Variants in IL31RA observed in about 807,000 individuals in gnomAD.
IL31RA encodes the protein interleukin-31 receptor subunit alpha.
IL31RA carries 66 observed loss-of-function variants against 83.7 expected under a neutral mutation model. That is an observed-to-expected ratio of 0.79 (90% CI 0.65 to 0.97). IL31RA has a LOEUF of 0.97. Ranked by LOEUF, IL31RA falls within the 50% of genes least tolerant of loss-of-function variation. The pLI is 0.00. For synonymous variants in IL31RA, 325 were observed against 329.0 expected (o/e 0.99, Z 0.13); for missense variants, 798 against 919.4 (o/e 0.87, Z 1.71).
chr5:55,881,861 C>T (rs1394148918), intron 4 of IL31RA, among the ~76,000 whole-genome samples: 1 of 151,320 alleles, frequency 6.6e-6, no homozygotes, highest in Non-Finnish European at 1.5e-5. Flanking sequence ...TATTGGCGCC[C>T]GCCACCATGC....
intron 13 of IL31RA, among the ~76,000 whole-genome samples, chr5:55,914,222 T>TGG (rs1749659535): frequency 6.6e-6 from 1 of 152,238 alleles, no homozygotes; most frequent in Non-Finnish European, 1.5e-5. Flanking sequence ...GCAGCTGCAC[T>TGG]TAGTTAATGG....
At chr5:55,841,026 T>C in the IL31RA span, among the ~76,000 whole-genome samples, 3 of 152,284 alleles carry the variant, frequency 2.0e-5, no homozygotes, top group Middle Eastern at 3.4e-3. Context: ...GATTAAGATA[T>C]TGAGATCTGA....
chr5:55,868,678 A>G lies in IL31RA; in HGVS notation c.155-113A>G, dbSNP rs577459153. 3 of 791,440 alleles carry G rather than the reference A, an allele frequency of 3.8e-6. No homozygotes were observed. In the East Asian group the frequency reaches 7.3e-5, roughly 19 times the overall value. 49.0% of individuals were successfully genotyped at this position (791,440 alleles called of 1,614,324 possible). ...CTAGGTTACACCTAGCAACTAACCA[A>G]AAAAATCTAGCTTTTGATCAGCATA... On this transcript the variant is annotated intron_variant, in intron 2 of 14. Transcript: ENST00000652347.
chr5:55,898,612 G>T (rs534876626), intron 7 of IL31RA, among the ~76,000 whole-genome samples: 1 of 145,330 alleles, frequency 6.9e-6, no homozygotes, highest in East Asian at 2.0e-4. Context: ...ATTTTAAAAA[G>T]ATTTTAAATA....
At chr5:55,908,147 C>A in intron 10 of IL31RA, 118 bp from the exon 11 acceptor site, 1 of 1,410,706 alleles carries the variant, frequency 7.1e-7, no homozygotes, top group Non-Finnish European at 9.8e-7. Context: ...CCTACTCAAC[C>A]CTCACCCGTC....
intron 6 of IL31RA, among the ~76,000 whole-genome samples, chr5:55,892,794 G>GA (rs201884980): frequency 0.015 from 2,215 of 152,222 alleles, 38 homozygotes; most frequent in Non-Finnish European, 0.021. Context: ...TTTGCTGCCA[G>GA]AAAAAAGATT....
rs1259259440 is a variant in IL31RA at position 55,859,575 on chromosome 5, T to A, written c.130T>A (p.Ser44Thr). ...MWTWALWMLP[S>T]LCKFSLAALP... is the part of the protein sequence containing the mutation. ...GACCTGGGCACTGTGGATGCTCCCC[T>A]CACTCTGCAAATTCAGCCTGGCAGG... The change falls in exon 2 of 15, where the codon TCA becomes ACA. Residue 44 changes from serine to threonine, a missense_variant. Coordinates refer to ENST00000652347, the MANE Select transcript of IL31RA (RefSeq NM_139017.7). 1 of 1,612,216 alleles carries A rather than the reference T, an allele frequency of 6.2e-7. No homozygotes were observed. The highest frequency in any genetic ancestry group is 8.5e-7 in the Non-Finnish European group (1 of 1,178,398).
rs1407705553 is a variant in IL31RA, at chr5:55,917,734, C to A, written c.*614C>A. ...CTGTAGCAACACCGCACCTGAGAAT[C>A]CTCACCCCCAATTTAGACTGCATTG... On this transcript the variant is annotated 3_prime_UTR_variant, in exon 15 of 15. Transcript: ENST00000652347. Among the ~76,000 whole-genome samples, 1 of 152,030 alleles carries A rather than the reference C, an allele frequency of 6.6e-6. No individual in the cohort carries two copies. Among genetic ancestry groups the A allele is most frequent in the Non-Finnish European group, 1.5e-5 (1 of 68,030 alleles).
the IL31RA span, among the ~76,000 whole-genome samples, chr5:55,845,723 G>A: frequency 6.6e-6 from 1 of 152,044 alleles, no homozygotes; most frequent in African/African-American, 2.4e-5. Context: ...AGACCTCCCT[G>A]AGCCATGTGG....
chr5:55,842,770 C>G, the IL31RA span, among the ~76,000 whole-genome samples: 26 of 152,182 alleles, frequency 1.7e-4, no homozygotes, highest in Non-Finnish European at 3.1e-4. Context: ...GTGTCAAGCA[C>G]AGGATCCAAC....
At chr5:55,843,780 G>T in the IL31RA span, among the ~76,000 whole-genome samples, 5 of 152,190 alleles carry the variant, frequency 3.3e-5, no homozygotes, top group African/African-American at 1.2e-4. Context: ...AATTAAGGCA[G>T]CTACTTCAAC....
At chr5:55,888,443 C>T (rs114257887) in intron 5 of IL31RA, among the ~76,000 whole-genome samples, 282 of 152,094 alleles carry the variant, frequency 1.9e-3, no homozygotes, top group African/African-American at 6.6e-3. Context: ...GTGTAATGTA[C>T]GTGATGAGAA....
At position 55,881,034 on chromosome 5, in the gene IL31RA, G is replaced by A. The variant is rs2112427640; in HGVS notation, c.455-2010G>A. Among the ~76,000 whole-genome samples, 2 of 152,300 alleles carry A rather than the reference G, an allele frequency of 1.3e-5. 1 individual carries two copies. The highest frequency in any genetic ancestry group is 4.1e-4 in the South Asian group (2 of 4,822). On this transcript the variant is annotated intron_variant, in intron 4 of 14. Coordinates refer to ENST00000652347, the MANE Select transcript of IL31RA (RefSeq NM_139017.7). ...AAAAGCTTTAGAGGCCGGGCGCGGT[G>A]GCTCATGCCTGTAATCTCAGCACTT...
Position 55,883,097 on chromosome 5 carries a change from C to T in IL31RA, c.508C>T (p.Arg170Ter), listed in dbSNP as rs761110525. Residue 170 changes from arginine to a stop codon, truncating the protein, a stop_gained, in exon 5 of 15, where the codon CGA becomes TGA. Coordinates refer to ENST00000652347, the MANE Select transcript of IL31RA (RefSeq NM_139017.7). LOFTEE classifies it high-confidence loss of function. ...TGTGAAACCAGTTTTGGGCATCAAA[C>T]GAATGATTCAAATTGAATGGATAAA... ...FRVKPVLGIK[R>*]MIQIEWIKPE... is the part of the protein sequence containing the mutation. 2.0e-5 allele frequency: 33 copies of T among 1,613,788 alleles called. No individual in the cohort carries two copies. The highest frequency in any genetic ancestry group is 2.3e-5 in the Non-Finnish European group (27 of 1,179,850).
chr5:55,853,939 T>A (rs1037942184), intron 1 of IL31RA, among the ~76,000 whole-genome samples: 1 of 152,184 alleles, frequency 6.6e-6, no homozygotes, highest in African/African-American at 2.4e-5. Context: ...AGCTACCACA[T>A]GATTTTAGTG....
intron 1 of IL31RA, chr5:55,853,424 A>G (rs1745170820): frequency 6.7e-7 from 1 of 1,484,492 alleles, no homozygotes; most frequent in Non-Finnish European, 9.0e-7. Flanking sequence ...ATCAGAGTGG[A>G]AACACTCCCA....
rs56052025 is a variant in IL31RA at position 55,922,054 on chromosome 5, C to CGGG, written c.*4944_*4946dup. ...AGTGTCTTGCACTCTTATGTTGTGG[C>CGGG]GGGGGGGGGGGGCGGTTCCTGAAGA... is the stretch of plus-strand genomic sequence containing the variant. On this transcript the variant is annotated 3_prime_UTR_variant, in exon 15 of 15. Transcript: ENST00000652347. 8.8e-4 allele frequency among the ~76,000 whole-genome samples: 62 copies of CGGG among 70,350 alleles called. No homozygotes were observed. Among genetic ancestry groups the CGGG allele is most frequent in the African/African-American group, 2.2e-3 (41 of 18,406 alleles). The allele number at this position is 70,350 out of a possible 152,430, so 46.2% of individuals were successfully genotyped here.
intron 4 of IL31RA, among the ~76,000 whole-genome samples, chr5:55,882,679 A>G (rs1184914720): frequency 6.6e-6 from 1 of 152,194 alleles, no homozygotes; most frequent in Non-Finnish European, 1.5e-5. Flanking sequence ...TGGGTATTCC[A>G]TCATCCTAGG....
intron 2 of IL31RA, among the ~76,000 whole-genome samples, chr5:55,867,291 ATG>A (rs1349625039): frequency 0.024 from 560 of 22,936 alleles, 14 homozygotes; most frequent in African/African-American, 0.12. Context: ...GTGTGTGTGC[ATG>A]TGTGTGTGTG....
Sources: gnomAD v4.1 joint callset for allele counts (sites outside exome capture counted in the v4.1 genomes callset) on GRCh38, gnomAD v4.1.1 for gene constraint, MANE v1.5 for transcripts, NCBI Gene and HGNC (gene_info 2026-07-23, HGNC 2026-07-21) for gene names.